The following SYN3 variants were observed in gnomAD, a reference collection of about 807,000 sequenced individuals.
SYN3 encodes synapsin-3.
Under a neutral mutation model 65.8 loss-of-function variants are expected in SYN3, and 35 were observed. That is an observed-to-expected ratio of 0.53 (90% CI 0.41 to 0.70). The LOEUF (loss-of-function observed/expected upper bound fraction) is 0.70. Among genes scored for constraint, SYN3 ranks in the 30% least tolerant of loss-of-function variants. SYN3 has a pLI of 0.00. For synonymous variants in SYN3, 270 were observed against 292.9 expected (o/e 0.92, Z 0.80); for missense variants, 680 against 749.0 (o/e 0.91, Z 1.08).
At chr22:32,963,080 CT>C (rs34940764) in intron 3 of SYN3, among the ~76,000 whole-genome samples, 37,632 of 140,142 alleles carry the variant, frequency 0.27, 4,709 homozygotes, top group Non-Finnish European at 0.31. Flanking sequence ...TTACAAAATA[CT>C]TTTTTTTTTT....
chr22:32,517,515 T>A (rs2057797944), intron 13 of SYN3, among the ~76,000 whole-genome samples: 1 of 152,182 alleles, frequency 6.6e-6, no homozygotes, highest in Admixed American at 6.5e-5. Context: ...AATGTGTAGA[T>A]AAATGTGCAT....
chr22:32,767,322 G>A (rs2045653261), intron 6 of SYN3, among the ~76,000 whole-genome samples: 1 of 152,068 alleles, frequency 6.6e-6, no homozygotes, highest in Admixed American at 6.5e-5. Context: ...CATGTCCCCT[G>A]CAATCCAGTT....
rs1569124577 is a variant in SYN3, at chr22:32,650,232, TCCCTCCCTCCCTCCCTCCCTCCCTCC to T, written c.712-53522_712-53497del. ...ACTTTTCTTTCTCTCTCTCTCTCTC[TCCCTCCCTCCCTCCCTCCCTCCCTCC>T]CTCTCTCTCTCTCTCTCTTTCTTTT... is the stretch of plus-strand genomic sequence containing the variant. On this transcript the variant is annotated intron_variant, in intron 6 of 13. Transcript: ENST00000358763. Among the ~76,000 whole-genome samples the T allele has an allele frequency of 2.1e-4, 17 of 80,942 alleles. 1 individual carries two copies. The highest frequency in any genetic ancestry group is 1.3e-3 in the African/African-American group (17 of 13,426). The allele number at this position is 80,942 out of a possible 152,430, so 53.1% of individuals were successfully genotyped here.
rs966592558 is a variant in SYN3 at position 32,507,921 on chromosome 22, T to TAGGTTCCCACGCC, written c.*5758_*5770dup. On this transcript the variant is annotated 3_prime_UTR_variant, in exon 14 of 14. Coordinates refer to ENST00000358763, the MANE Select transcript of SYN3 (RefSeq NM_003490.4). ...CCCTTCAGCTTAATCTCTCCCACTC[T>TAGGTTCCCACGCC]AGGTTCCCACGCCGCCCCTAATCCC... Among the ~76,000 whole-genome samples, 2 of 152,052 alleles carry TAGGTTCCCACGCC rather than the reference T, an allele frequency of 1.3e-5. No individual in the cohort carries two copies. Among genetic ancestry groups the TAGGTTCCCACGCC allele is most frequent in the Non-Finnish European group, 2.9e-5 (2 of 68,020 alleles).
At chr22:32,572,436 TTCCC>T (rs1569051915) in intron 7 of SYN3, among the ~76,000 whole-genome samples, 2 of 8,334 alleles carry the variant, frequency 2.4e-4, no homozygotes, top group African/African-American at 4.1e-4. Context: ...CCTTCCTTCC[TTCCC>T]TCCTTCCTTT....
chr22:32,990,411 T>G (rs62234236), intron 2 of SYN3, among the ~76,000 whole-genome samples: 29 of 27,332 alleles, frequency 1.1e-3, no homozygotes, highest in African/African-American at 5.3e-3. Flanking sequence ...CATCCAGCCA[T>G]CCATCCATCC....
intron 6 of SYN3, among the ~76,000 whole-genome samples, chr22:32,770,874 T>TATGTGTTCAATTAACAC (rs2045749857): frequency 6.6e-6 from 1 of 152,026 alleles, no homozygotes; most frequent in African/African-American, 2.4e-5. Context: ...AATTAACACA[T>TATGTGTTCAATTAACAC]ATGTGTTCAG....
chr22:32,650,236 TCCCTCCCTCCC>T (rs1569124605), intron 6 of SYN3, among the ~76,000 whole-genome samples: 17 of 82,052 alleles, frequency 2.1e-4, no homozygotes, highest in South Asian at 1.4e-3. Context: ...TCTCTCTCCC[TCCCTCCCTCCC>T]TCCCTCCCTC....
intron 7 of SYN3, among the ~76,000 whole-genome samples, chr22:32,584,922 T>A (rs1405195676): frequency 6.6e-6 from 1 of 152,134 alleles, no homozygotes; most frequent in East Asian, 1.9e-4. Flanking sequence ...TCTTTATAAA[T>A]AAACTCTCTA....
In SYN3 at chr22:32,902,735, G is replaced by A. The variant is rs1279998067; in HGVS notation, c.461+28655C>T. Among the ~76,000 whole-genome samples, 4 of 152,124 alleles carry A rather than the reference G, an allele frequency of 2.6e-5. No individual in the cohort carries two copies. In the East Asian group the frequency reaches 7.7e-4, roughly 29 times the overall value. On this transcript the variant is annotated intron_variant, in intron 4 of 13. Transcript: ENST00000358763. The stretch of plus-strand genomic sequence containing the variant: ...AGGTTCTAACTGAAGATGTGGTACC[G>A]TCACTGACCATGGGAAAATTACTGG...
intron 6 of SYN3, among the ~76,000 whole-genome samples, chr22:32,604,362 T>C (rs1471516516): frequency 6.6e-6 from 1 of 152,092 alleles, no homozygotes; most frequent in East Asian, 1.9e-4. Flanking sequence ...TCCCTCCTCC[T>C]CCTCAGCCCA....
At chr22:32,631,090 TC>T (rs11289746) in intron 6 of SYN3, among the ~76,000 whole-genome samples, 70,970 of 151,894 alleles carry the variant, frequency 0.47, 19,667 homozygotes, top group African/African-American at 0.78. Flanking sequence ...GGTCAGGAGT[TC>T]CGAGACCAGC....
intron 6 of SYN3, among the ~76,000 whole-genome samples, chr22:32,628,053 C>T (rs2059694606): frequency 6.6e-6 from 1 of 152,136 alleles, no homozygotes. Context: ...TGGTCTCGAT[C>T]TCCTGACCTC....
chr22:32,559,440 C>T (rs1468809780), intron 7 of SYN3, among the ~76,000 whole-genome samples: 8 of 152,140 alleles, frequency 5.3e-5, no homozygotes, highest in Non-Finnish European at 1.0e-4. Context: ...AAATGTCAGG[C>T]GACTTTCAGG....
At chr22:32,754,961 G>A (rs1425988616) in intron 6 of SYN3, among the ~76,000 whole-genome samples, 1 of 152,156 alleles carries the variant, frequency 6.6e-6, no homozygotes, top group Admixed American at 6.5e-5. Context: ...TGGATAGGAA[G>A]GGACTTCTAA....
intron 3 of SYN3, among the ~76,000 whole-genome samples, chr22:32,941,779 A>G (rs1034654341): frequency 6.6e-6 from 1 of 152,242 alleles, no homozygotes; most frequent in Non-Finnish European, 1.5e-5. Context: ...GGGTCTTAGC[A>G]AACAGTACAC....
intron 6 of SYN3, among the ~76,000 whole-genome samples, chr22:32,663,307 C>CTCTTTT (rs36044326): frequency 3.5e-5 from 5 of 142,564 alleles, no homozygotes; most frequent in African/African-American, 1.0e-4. Flanking sequence ...CTTTTCTTCT[C>CTCTTTT]TTTTTTTTTT....
At chr22:32,709,906 T>G (rs1275883210) in intron 6 of SYN3, among the ~76,000 whole-genome samples, 2 of 151,986 alleles carry the variant, frequency 1.3e-5, no homozygotes, top group East Asian at 3.9e-4. Flanking sequence ...ATTTCACTAA[T>G]CGGATTACTG....
At position 33,029,427 on chromosome 22, in the gene SYN3, C is replaced by T. The variant is rs375948580; in HGVS notation, c.-162-22603G>A. ...GGAACTCCTGGCCTCAAGAAATCCT[C>T]CCACCTCAACCTCCCAAAGCGCTGG... On this transcript the variant is annotated intron_variant, in intron 1 of 13. Transcript: ENST00000358763. 1.2e-4 allele frequency among the ~76,000 whole-genome samples: 19 copies of T among 152,220 alleles called. No homozygotes were observed. The East Asian group carries it at 3.5e-3, about 28-fold the overall frequency.
Sources: allele counts gnomAD v4.1 joint callset (sites outside exome capture counted in the v4.1 genomes callset), GRCh38; gene constraint gnomAD v4.1.1; transcripts MANE v1.5; gene names NCBI Gene and HGNC (gene_info 2026-07-23, HGNC 2026-07-21).